Variants in MTUS2 observed in about 807,000 individuals in gnomAD.
MTUS2 encodes the protein microtubule-associated tumor suppressor candidate 2.
A neutral mutation model predicts 114.1 loss-of-function variants in MTUS2; 40 were observed. The observed-to-expected ratio is 0.35, with a 90% CI of 0.27 to 0.46. The LOEUF (loss-of-function observed/expected upper bound fraction) is 0.46. Ranked by LOEUF, MTUS2 falls within the 20% of genes least tolerant of loss-of-function variation. The pLI is 1.00. For synonymous variants in MTUS2, 688 were observed against 672.0 expected, an observed-to-expected ratio of 1.02 and a Z score of -0.37; for missense variants, 1,679 against 1,705.4, an observed-to-expected ratio of 0.98 and a Z score of 0.27.
In MTUS2 at chr13:29,505,778, A is replaced by G. The variant is rs969279490; in HGVS notation, c.*2572A>G. The G allele has an allele frequency of 1.5e-4, 34 of 228,844 alleles. No individual in the cohort carries two copies. Among genetic ancestry groups the G allele is most frequent in the African/African-American group, 6.0e-4 (27 of 45,032 alleles). The allele number at this position is 228,844 out of a possible 1,614,324, so 14.2% of individuals were successfully genotyped here. On this transcript the variant is annotated 3_prime_UTR_variant, in exon 16 of 16. Transcript: ENST00000612955. Reference sequence around the variant, plus strand: ...CCCGACCGCCGCCCCTGCCCACCACATGCTGGGACAAGGTTCTGGCTGGAT... The same window carrying G: ...CCCGACCGCCGCCCCTGCCCACCACGTGCTGGGACAAGGTTCTGGCTGGAT...
intron 9 of MTUS2, among the ~76,000 whole-genome samples, chr13:29,440,619 T>C (rs1374832370): frequency 2.0e-5 from 3 of 152,182 alleles, no homozygotes; most frequent in Non-Finnish European, 2.9e-5. Context: ...GGACCAGGTA[T>C]TTGCCATATT....
At chr13:28,825,031 G>A (rs1385634698) in intron 1 of MTUS2, among the ~76,000 whole-genome samples, 2 of 152,178 alleles carry the variant, frequency 1.3e-5, no homozygotes, top group Admixed American at 1.3e-4. Context: ...AGCACAGGGA[G>A]GCAGCTGCAG....
At chr13:29,397,778 T>C (rs1798834420) in intron 8 of MTUS2, among the ~76,000 whole-genome samples, 1 of 152,248 alleles carries the variant, frequency 6.6e-6, no homozygotes. Context: ...ATCAACCCTT[T>C]TGTCATTTCC....
intron 4 of MTUS2, among the ~76,000 whole-genome samples, chr13:29,086,205 C>T (rs992616283): frequency 4.6e-5 from 7 of 152,114 alleles, no homozygotes; most frequent in African/African-American, 1.4e-4. Flanking sequence ...ACATAATTTG[C>T]TAACATTTTC....
rs927307424 is a variant in MTUS2, at chr13:29,121,361, A to G, written c.2644+20391A>G. 3.9e-5 allele frequency among the ~76,000 whole-genome samples: 6 copies of G among 152,274 alleles called. No individual in the cohort carries two copies. In the East Asian group the frequency reaches 9.7e-4, roughly 25 times the overall value. On this transcript the variant is annotated intron_variant, in intron 5 of 15. Transcript: ENST00000612955. The stretch of plus-strand genomic sequence containing the variant: ...CATGGATGATGAAGATCTGGGCGTT[A>G]AAGAGCTTACTTTATATTGCTTAAG...
Position 29,325,570 on chromosome 13 carries a change from A to G in MTUS2, c.2905+859A>G, listed in dbSNP as rs75589490. On this transcript the variant is annotated intron_variant, in intron 7 of 15. Transcript: ENST00000612955. The stretch of plus-strand genomic sequence containing the variant: ...AGAAGGAAGAAGAGGAAGAAGAAGA[A>G]GAGGAGGAGGAAGAGGAAGAAGAAG... Among the ~76,000 whole-genome samples the G allele has an allele frequency of 1.4e-3, 37 of 27,050 alleles. No homozygotes were observed. In the South Asian group the frequency reaches 0.026, roughly 19 times the overall value. The allele number at this position is 27,050 out of a possible 152,430, so 17.7% of individuals were successfully genotyped here.
intron 4 of MTUS2, among the ~76,000 whole-genome samples, chr13:29,068,418 T>A (rs1888759395): frequency 6.6e-6 from 1 of 151,426 alleles, no homozygotes; most frequent in Non-Finnish European, 1.5e-5. Context: ...CTCTGGAGTG[T>A]GAAGCACAGG....
rs1332818031 is a variant in MTUS2 at position 29,016,352 on chromosome 13, C to CTT, written c.-242-8092_-242-8091dup. ...GGGTGGAATTCTCCCCTGGAAAGGA[C>CTT]TTTTTTTTTTTTTTAAGGGTATGCT... On this transcript the variant is annotated intron_variant, in intron 2 of 15. Coordinates refer to ENST00000612955, the MANE Select transcript of MTUS2 (RefSeq NM_001033602.4). 4.2e-4 allele frequency among the ~76,000 whole-genome samples: 57 copies of CTT among 136,702 alleles called. 2 individuals carry two copies. Among genetic ancestry groups the CTT allele is most frequent in the Admixed American group, 3.4e-3 (46 of 13,688 alleles). 89.7% of individuals were successfully genotyped at this position (136,702 alleles called of 152,430 possible).
At chr13:29,453,529 G>A (rs1878891404) in intron 9 of MTUS2, among the ~76,000 whole-genome samples, 1 of 151,790 alleles carries the variant, frequency 6.6e-6, no homozygotes, top group Non-Finnish European at 1.5e-5. Context: ...AGTGTAGGGA[G>A]CAAGGTACTG....
intron 4 of MTUS2, among the ~76,000 whole-genome samples, chr13:29,064,533 C>T (rs1888575348): frequency 6.6e-6 from 1 of 151,536 alleles, no homozygotes; most frequent in African/African-American, 2.4e-5. Context: ...GAGGAAACTA[C>T]TGTTGTAGTG....
rs1881097674 is a variant in MTUS2, at chr13:29,480,657, C to T, written c.3399+293C>T. 6.6e-6 allele frequency among the ~76,000 whole-genome samples: 1 copy of T among 152,210 alleles called. No homozygotes were observed. Among genetic ancestry groups the T allele is most frequent in the Non-Finnish European group, 1.5e-5 (1 of 68,040 alleles). On this transcript the variant is annotated intron_variant, in intron 10 of 15. Transcript: ENST00000612955. The surrounding 1 kb of genome is among the most constrained non-coding windows in gnomAD (Gnocchi z 4.4). The stretch of plus-strand genomic sequence containing the variant: ...TCCCTTCCAGACTTTTCTCTGTCAC[C>T]TTGCTCAGTGAGACCTTTATCCAAA...
At chr13:28,902,352 A>G (rs750552548) in intron 2 of MTUS2, among the ~76,000 whole-genome samples, 11 of 152,100 alleles carry the variant, frequency 7.2e-5, no homozygotes, top group Admixed American at 1.3e-4. Context: ...TTCTAGTACT[A>G]TGTTGAATAA....
At chr13:29,342,050 T>G (rs1901426522) in intron 7 of MTUS2, among the ~76,000 whole-genome samples, 1 of 152,244 alleles carries the variant, frequency 6.6e-6, no homozygotes, top group African/African-American at 2.4e-5. Context: ...TTGGTGACTG[T>G]ATCCTTAAAG....
At chr13:28,963,048 T>G (rs1265532492) in intron 2 of MTUS2, among the ~76,000 whole-genome samples, 5 of 152,202 alleles carry the variant, frequency 3.3e-5, no homozygotes, top group African/African-American at 1.2e-4. Context: ...ACTCATTCTT[T>G]TAATTGAAAT....
At position 29,108,347 on chromosome 13, in the gene MTUS2, G is replaced by T. The variant is rs573523570; in HGVS notation, c.2644+7377G>T. Among the ~76,000 whole-genome samples, 5 of 152,284 alleles carry T rather than the reference G, an allele frequency of 3.3e-5. No homozygotes were observed. The South Asian group carries it at 1.0e-3, about 32-fold the overall frequency. On this transcript the variant is annotated intron_variant, in intron 5 of 15. Transcript: ENST00000612955. ...AATGATGAGTTGCACCCAGAGATAGGATTAGATTGCAAGCATGTTTTGTTT... is the reference window on the plus strand; with the variant it reads ...AATGATGAGTTGCACCCAGAGATAGTATTAGATTGCAAGCATGTTTTGTTT...
rs190586694 is a variant in MTUS2 at position 28,948,816 on chromosome 13, A to G, written c.-242-75641A>G. On this transcript the variant is annotated intron_variant, in intron 2 of 15. Coordinates refer to ENST00000612955, the MANE Select transcript of MTUS2 (RefSeq NM_001033602.4). Reference sequence around the variant, plus strand: ...GGGCCCCCATATGGCTGTATACACTATAACAGGTGTCCACTCCCCCGGTCT... The same window carrying G: ...GGGCCCCCATATGGCTGTATACACTGTAACAGGTGTCCACTCCCCCGGTCT... 4.6e-5 allele frequency among the ~76,000 whole-genome samples: 7 copies of G among 152,288 alleles called. No homozygotes were observed. The East Asian group carries it at 9.7e-4, about 21-fold the overall frequency.
At chr13:29,197,831 T>TA (rs1488642155) in intron 5 of MTUS2, among the ~76,000 whole-genome samples, 1 of 152,218 alleles carries the variant, frequency 6.6e-6, no homozygotes, top group Non-Finnish European at 1.5e-5. Flanking sequence ...CGTTTTTTCA[T>TA]ATGTTTGTTG....
intron 2 of MTUS2, among the ~76,000 whole-genome samples, chr13:28,995,602 A>C (rs1312038789): frequency 5.3e-5 from 8 of 152,038 alleles, no homozygotes; most frequent in African/African-American, 4.8e-5. Flanking sequence ...GTTCTCCTTG[A>C]AGAGGTCCTT....
At chr13:29,228,216 C>T (rs955663045) in intron 5 of MTUS2, among the ~76,000 whole-genome samples, 1 of 152,186 alleles carries the variant, frequency 6.6e-6, no homozygotes, top group African/African-American at 2.4e-5. Context: ...GTGGAGCCTC[C>T]ATGTCGTGGA....
Sources: allele counts gnomAD v4.1 joint callset (sites outside exome capture counted in the v4.1 genomes callset), GRCh38; gene constraint gnomAD v4.1.1; non-coding constraint Gnocchi (gnomAD v3.1); transcripts MANE v1.5; gene names NCBI Gene and HGNC (gene_info 2026-07-23, HGNC 2026-07-21).